The following NRG1 variants were observed in gnomAD, a reference collection of about 807,000 sequenced individuals.
NRG1 encodes the protein neuregulin 1.
In NRG1, 18 loss-of-function variants were observed where a neutral mutation model predicts 63.8. That is an observed-to-expected ratio of 0.28 (90% CI 0.19 to 0.42). The LOEUF is 0.42. Ranked by LOEUF, NRG1 falls within the 10% of genes least tolerant of loss-of-function variation. The pLI is 1.00. For synonymous variants in NRG1, 302 were observed against 301.3 expected, an observed-to-expected ratio of 1.00 and a Z score of -0.02; for missense variants, 762 against 814.7, an observed-to-expected ratio of 0.94 and a Z score of 0.79.
intron 1 of NRG1, among the ~76,000 whole-genome samples, chr8:31,914,132 C>T (rs1833175788): frequency 6.6e-6 from 1 of 152,174 alleles, no homozygotes; most frequent in Non-Finnish European, 1.5e-5. Context: ...AAGAGATCGT[C>T]CTTCTTAGAA....
At chr8:32,495,768 G>T (rs1827138065) in intron 1 of NRG1, among the ~76,000 whole-genome samples, 3 of 152,066 alleles carry the variant, frequency 2.0e-5, no homozygotes, top group Non-Finnish European at 4.4e-5. Context: ...AGCCTGTTTG[G>T]TTTTGTTTTT....
intron 1 of NRG1, among the ~76,000 whole-genome samples, chr8:31,673,134 A>G (rs1044281188): frequency 3.3e-5 from 5 of 152,126 alleles, no homozygotes; most frequent in African/African-American, 4.8e-5. Context: ...TGTAGTATAT[A>G]TAAGAATCAG....
intron 1 of NRG1, among the ~76,000 whole-genome samples, chr8:32,231,484 T>C (rs79863728): frequency 0.046 from 6,939 of 152,316 alleles, 234 homozygotes; most frequent in South Asian, 0.094. Context: ...TGTGATATAC[T>C]CTGGGGTATT....
At chr8:32,293,995 G>A (rs765078674) in intron 1 of NRG1, among the ~76,000 whole-genome samples, 1 of 152,070 alleles carries the variant, frequency 6.6e-6, no homozygotes, top group Non-Finnish European at 1.5e-5. Flanking sequence ...TTGGATTACA[G>A]GCATGAGCTA....
chr8:32,375,987 A>G (rs1258174036), intron 1 of NRG1, among the ~76,000 whole-genome samples: 1 of 152,236 alleles, frequency 6.6e-6, no homozygotes, highest in African/African-American at 2.4e-5. Context: ...CAAGAATAAA[A>G]TATTTCTGTT....
At chr8:31,742,337 A>T (rs958344153) in intron 1 of NRG1, among the ~76,000 whole-genome samples, 1 of 151,858 alleles carries the variant, frequency 6.6e-6, no homozygotes, top group African/African-American at 2.4e-5. Flanking sequence ...ATATTTGAAC[A>T]TATTATTGTT....
intron 1 of NRG1, among the ~76,000 whole-genome samples, chr8:32,272,148 A>G (rs913115908): frequency 2.0e-5 from 3 of 152,156 alleles, no homozygotes; most frequent in Non-Finnish European, 4.4e-5. Context: ...AAACAAAGAC[A>G]TTTGTTTCCC....
At chr8:31,984,166 T>G (rs2129631269) in intron 1 of NRG1, among the ~76,000 whole-genome samples, 1 of 152,204 alleles carries the variant, frequency 6.6e-6, no homozygotes, top group Admixed American at 6.6e-5. Flanking sequence ...GGGAAAAATT[T>G]TTACTTATGA....
intron 1 of NRG1, among the ~76,000 whole-genome samples, chr8:32,147,494 G>T (rs1385558391): frequency 6.6e-6 from 1 of 152,178 alleles, no homozygotes; most frequent in Non-Finnish European, 1.5e-5. Context: ...AAATGAATGA[G>T]TAAAAGTATC....
intron 1 of NRG1, among the ~76,000 whole-genome samples, chr8:32,313,026 G>T (rs954495242): frequency 4.6e-5 from 7 of 151,996 alleles, no homozygotes; most frequent in Non-Finnish European, 8.8e-5. Context: ...GGTGGTGGAC[G>T]CCTGTAATCC....
intron 5 of NRG1, among the ~76,000 whole-genome samples, chr8:32,708,419 T>C (rs1484916987): frequency 6.6e-6 from 1 of 152,192 alleles, no homozygotes; most frequent in Admixed American, 6.5e-5. Flanking sequence ...GTATGCTTGG[T>C]TTTTATTTGT....
chr8:31,926,122 C>T (rs1316775386), intron 1 of NRG1, among the ~76,000 whole-genome samples: 1 of 152,156 alleles, frequency 6.6e-6, no homozygotes, highest in African/African-American at 2.4e-5. Flanking sequence ...CAGCTTGATG[C>T]AGTTAGAAAG....
chr8:31,878,300 T>C (rs1371320879), intron 1 of NRG1, among the ~76,000 whole-genome samples: 1 of 152,222 alleles, frequency 6.6e-6, no homozygotes, highest in Admixed American at 6.5e-5. Flanking sequence ...GGACATTATA[T>C]TGATTTTTAA....
intron 6 of NRG1, among the ~76,000 whole-genome samples, chr8:32,740,888 C>G (rs894415265): frequency 2.0e-5 from 3 of 152,126 alleles, no homozygotes; most frequent in Non-Finnish European, 4.4e-5. Flanking sequence ...GTAAAAATCA[C>G]TAGGGATGAG....
chr8:31,845,604 G>T (rs1826614893), intron 1 of NRG1, among the ~76,000 whole-genome samples: 1 of 152,012 alleles, frequency 6.6e-6, no homozygotes, highest in Non-Finnish European at 1.5e-5. Flanking sequence ...TAGGAGACTG[G>T]CGTTTTTTTT....
intron 1 of NRG1, among the ~76,000 whole-genome samples, chr8:32,541,917 T>C (rs925933566): frequency 8.5e-5 from 13 of 152,184 alleles, no homozygotes; most frequent in African/African-American, 3.1e-4. Flanking sequence ...AATGACTCTA[T>C]GGGGATTTAT....
At chr8:32,570,667 A>G (rs551510563) in intron 1 of NRG1, among the ~76,000 whole-genome samples, 1 of 152,254 alleles carries the variant, frequency 6.6e-6, no homozygotes, top group South Asian at 2.1e-4. Flanking sequence ...CATTCAGTGT[A>G]TTTCCCAGCT....
At chr8:32,054,863 CTTTTTTTTTTTTTTTTTTTTTTTTT>C (rs543522972) in intron 1 of NRG1, among the ~76,000 whole-genome samples, 22 of 64,000 alleles carry the variant, frequency 3.4e-4, no homozygotes, top group South Asian at 7.5e-4. Context: ...TTCTTTCTTT[CTTTTTTTTTTTTTTTTTTTTTTTTT>C]TTTTTTTTTT....
chr8:31,792,134 C>A (rs1020478283), intron 1 of NRG1, among the ~76,000 whole-genome samples: 2 of 152,136 alleles, frequency 1.3e-5, no homozygotes, highest in African/African-American at 4.8e-5. Context: ...AGTGCTCATC[C>A]TTGTCACCTC....
Sources: gnomAD v4.1 joint callset for allele counts (sites outside exome capture counted in the v4.1 genomes callset) on GRCh38, gnomAD v4.1.1 for gene constraint, MANE v1.5 for transcripts, NCBI Gene and HGNC (gene_info 2026-07-23, HGNC 2026-07-21) for gene names.